Variants in KIAA1328 observed in about 807,000 individuals in gnomAD.
KIAA1328 encodes the protein KIAA1328.
Under a neutral mutation model 68.1 loss-of-function variants are expected in KIAA1328, and 52 were observed. The ratio of observed to expected loss-of-function variants is 0.76; its 90% CI spans 0.61 to 0.96. KIAA1328 has a LOEUF of 0.96. KIAA1328 is among the 40% of genes least tolerant of loss of function. The pLI is 0.00. For missense variants in KIAA1328, 641 were observed against 677.6 expected (o/e 0.95, Z 0.60); for synonymous variants, 232 against 239.4 (o/e 0.97, Z 0.28).
At chr18:37,228,888 T>G (rs1183598864), downstream of KIAA1328, among the ~76,000 whole-genome samples, 1 of 151,998 alleles carries the variant, frequency 6.6e-6, no homozygotes, top group African/African-American at 2.4e-5. Context: ...CAATAAAGGA[T>G]TTTAAGTTAA....
chr18:36,835,047 G>A (rs910776500), intron 2 of KIAA1328, among the ~76,000 whole-genome samples, 187 bp from the exon 3 acceptor site: 3 of 152,058 alleles, frequency 2.0e-5, no homozygotes, highest in African/African-American at 7.2e-5. Context: ...TCAATCTTTA[G>A]TGTATTTCTT....
At position 36,899,679 on chromosome 18, in the gene KIAA1328, T is replaced by G. The variant is rs140306191; in HGVS notation, c.448+14007T>G. 7.9e-3 allele frequency among the ~76,000 whole-genome samples: 1,206 copies of G among 152,064 alleles called. 12 individuals carry two copies. Among genetic ancestry groups the G allele is most frequent in the African/African-American group, 0.026 (1,099 of 41,536 alleles). On this transcript the variant is annotated intron_variant, in intron 5 of 9. Transcript: ENST00000280020. ...TAAAAGATGCTGAAATGTTTTCTGT[T>G]TTCCTGACTGCTAGGAAAGAATGAA... is the stretch of plus-strand genomic sequence containing the variant.
At chr18:37,053,285 G>A (rs1171253852) in intron 6 of KIAA1328, among the ~76,000 whole-genome samples, 3 of 152,166 alleles carry the variant, frequency 2.0e-5, no homozygotes, top group Admixed American at 6.6e-5. Context: ...CTAGCCATAT[G>A]CAGAGGAAAG....
intron 7 of KIAA1328, among the ~76,000 whole-genome samples, chr18:37,150,397 A>C (rs745766055): frequency 6.6e-6 from 1 of 152,148 alleles, no homozygotes; most frequent in East Asian, 1.9e-4. Flanking sequence ...ACATTGCCAT[A>C]TGCCTTCTGT....
intron 7 of KIAA1328, among the ~76,000 whole-genome samples, chr18:37,074,372 T>G (rs2056638155): frequency 6.6e-6 from 1 of 152,234 alleles, no homozygotes; most frequent in Non-Finnish European, 1.5e-5. Context: ...CTAAGATTTT[T>G]AGTTGTACAG....
intron 5 of KIAA1328, among the ~76,000 whole-genome samples, chr18:36,893,312 G>A (rs914060417): frequency 6.6e-6 from 1 of 151,314 alleles, no homozygotes; most frequent in East Asian, 1.9e-4. Context: ...TTGCTGTGTC[G>A]CCTAGGCTGG....
intron 7 of KIAA1328, among the ~76,000 whole-genome samples, chr18:37,130,905 C>G (rs909174122): frequency 6.6e-6 from 1 of 152,066 alleles, no homozygotes; most frequent in East Asian, 1.9e-4. Context: ...CCATATGTTC[C>G]AGGGCTTTGT....
At chr18:36,935,940 T>C (rs1398497653) in intron 5 of KIAA1328, among the ~76,000 whole-genome samples, 1 of 152,232 alleles carries the variant, frequency 6.6e-6, no homozygotes, top group Admixed American at 6.5e-5. Flanking sequence ...ACAACTGTTA[T>C]GAAGATGCTG....
chr18:37,172,053 C>T (rs898166943), intron 8 of KIAA1328, among the ~76,000 whole-genome samples: 4 of 152,326 alleles, frequency 2.6e-5, no homozygotes, highest in East Asian at 1.9e-4. Context: ...TCAGGTTGCA[C>T]GCAACCTGTT....
intron 6 of KIAA1328, among the ~76,000 whole-genome samples, chr18:37,012,522 G>T (rs576773038): frequency 2.0e-5 from 3 of 152,194 alleles, no homozygotes; most frequent in Non-Finnish European, 4.4e-5. Context: ...CTGCAAGGGA[G>T]TGTGGAATAT....
chr18:36,914,137 T>C (rs565760315), intron 5 of KIAA1328, among the ~76,000 whole-genome samples: 9 of 152,340 alleles, frequency 5.9e-5, no homozygotes, highest in African/African-American at 2.2e-4. Context: ...GTGGCCACTT[T>C]AGTTTTTCAT....
At chr18:37,064,449 C>T (rs1281893554) in intron 6 of KIAA1328, among the ~76,000 whole-genome samples, 1 of 151,350 alleles carries the variant, frequency 6.6e-6, no homozygotes, top group Admixed American at 6.6e-5. Flanking sequence ...TATTCTCATT[C>T]ATTTGTTTTA....
intron 9 of KIAA1328, among the ~76,000 whole-genome samples, chr18:37,174,575 T>C (rs2059563596): frequency 1.4e-5 from 2 of 143,478 alleles, no homozygotes; most frequent in East Asian, 4.0e-4. Context: ...TTATTTTTAT[T>C]TTTATTTTTA....
chr18:36,895,199 T>C (rs2048829556), intron 5 of KIAA1328, among the ~76,000 whole-genome samples: 1 of 152,232 alleles, frequency 6.6e-6, no homozygotes, highest in Non-Finnish European at 1.5e-5. Context: ...TGTTGTGTAC[T>C]TGAAACAGTC....
At chr18:36,942,273 G>T (rs973684281) in intron 5 of KIAA1328, among the ~76,000 whole-genome samples, 2 of 152,190 alleles carry the variant, frequency 1.3e-5, no homozygotes, top group African/African-American at 4.8e-5. Context: ...CCTGCACCTG[G>T]TGTTTCTCAC....
At chr18:36,897,119 T>C (rs2048891025) in intron 5 of KIAA1328, among the ~76,000 whole-genome samples, 1 of 152,218 alleles carries the variant, frequency 6.6e-6, no homozygotes, top group South Asian at 2.1e-4. Context: ...GTCAACAGAA[T>C]ATCTGAATTG....
At chr18:36,986,147 G>A (rs1645444699) in intron 6 of KIAA1328, among the ~76,000 whole-genome samples, 1 of 151,268 alleles carries the variant, frequency 6.6e-6, no homozygotes, top group Non-Finnish European at 1.5e-5. Context: ...GTTACACACT[G>A]GTATTCACAG....
At chr18:37,023,657 T>C (rs1320449441) in intron 6 of KIAA1328, among the ~76,000 whole-genome samples, 2 of 152,150 alleles carry the variant, frequency 1.3e-5, no homozygotes, top group African/African-American at 4.8e-5. Context: ...CTGTCAACCA[T>C]TGGGTTTACT....
chr18:36,862,022 T>C (rs1371373834), intron 4 of KIAA1328, among the ~76,000 whole-genome samples: 1 of 152,176 alleles, frequency 6.6e-6, no homozygotes, highest in Non-Finnish European at 1.5e-5. Flanking sequence ...TGAAATAAGA[T>C]GTTACTTTAA....
Sources: allele counts gnomAD v4.1 joint callset (sites outside exome capture counted in the v4.1 genomes callset), GRCh38; gene constraint gnomAD v4.1.1; transcripts MANE v1.5; gene names NCBI Gene and HGNC (gene_info 2026-07-23, HGNC 2026-07-21).